Variants in HS6ST3 observed in about 807,000 individuals in gnomAD.
The protein encoded by HS6ST3 is heparan sulfate 6-O-sulfotransferase 3.
Under a neutral mutation model 36.7 loss-of-function variants are expected in HS6ST3, and 12 were observed. The observed-to-expected ratio is 0.33, with a 90% CI of 0.21 to 0.53. The LOEUF (loss-of-function observed/expected upper bound fraction) is 0.53. Among genes scored for constraint, HS6ST3 ranks in the 20% least tolerant of loss-of-function variants. The probability of loss-of-function intolerance (pLI) is 0.95; values close to 1 mark genes in which losing one functional copy is unlikely to be tolerated. For synonymous variants in HS6ST3, 240 were observed against 257.5 expected (o/e 0.93, Z 0.65); for missense variants, 584 against 640.9 (o/e 0.91, Z 0.96).
chr13:96,214,429 G>A (rs2054414164), intron 1 of HS6ST3, among the ~76,000 whole-genome samples: 1 of 152,036 alleles, frequency 6.6e-6, no homozygotes, highest in Admixed American at 6.6e-5. Flanking sequence ...CCAGACTCCT[G>A]GAGTTCTAGT....
intron 1 of HS6ST3, among the ~76,000 whole-genome samples, chr13:96,102,035 TC>T (rs1180418167): frequency 6.6e-6 from 1 of 152,182 alleles, no homozygotes; most frequent in Non-Finnish European, 1.5e-5. Context: ...ACTTTGTTGG[TC>T]CGAATTTAAG....
At chr13:96,727,153 G>C (rs111235866) in intron 1 of HS6ST3, among the ~76,000 whole-genome samples, 2 of 152,136 alleles carry the variant, frequency 1.3e-5, no homozygotes, top group African/African-American at 4.8e-5. Context: ...GAAAAAGTAT[G>C]TGAACTTAAT....
chr13:96,616,884 A>T (rs1239705016), intron 1 of HS6ST3, among the ~76,000 whole-genome samples: 1 of 151,680 alleles, frequency 6.6e-6, no homozygotes, highest in Non-Finnish European at 1.5e-5. Flanking sequence ...AGGGCCTCAT[A>T]GGCTTCCAAC....
At chr13:96,828,690 CTTAG>C (rs199725260) in intron 1 of HS6ST3, among the ~76,000 whole-genome samples, 1,970 of 140,368 alleles carry the variant, frequency 0.014, 46 homozygotes, top group African/African-American at 0.06. Context: ...TAGACTCTTA[CTTAG>C]TGCCATGCCT....
intron 1 of HS6ST3, among the ~76,000 whole-genome samples, chr13:96,729,893 A>G (rs906509703): frequency 1.3e-5 from 2 of 152,040 alleles, no homozygotes; most frequent in African/African-American, 2.4e-5. Flanking sequence ...TTACCTCTTC[A>G]TTTTCTATGT....
At chr13:96,659,857 A>G (rs1390327936) in intron 1 of HS6ST3, among the ~76,000 whole-genome samples, 2 of 152,108 alleles carry the variant, frequency 1.3e-5, no homozygotes, top group Non-Finnish European at 2.9e-5. Context: ...CATAAACAGA[A>G]AAGTTTATAT....
intron 1 of HS6ST3, among the ~76,000 whole-genome samples, chr13:96,191,763 G>A (rs1330855487): frequency 6.6e-6 from 1 of 152,146 alleles, no homozygotes; most frequent in African/African-American, 2.4e-5. Flanking sequence ...ATATATACAT[G>A]TAATTCAAAT....
intron 1 of HS6ST3, among the ~76,000 whole-genome samples, chr13:96,825,607 T>C (rs1400754908): frequency 6.6e-6 from 1 of 152,182 alleles, no homozygotes; most frequent in Non-Finnish European, 1.5e-5. Flanking sequence ...TAGGTAGAGA[T>C]CTTTAATACT....
intron 1 of HS6ST3, among the ~76,000 whole-genome samples, chr13:96,334,650 C>T (rs1415723471): frequency 6.6e-6 from 1 of 151,944 alleles, no homozygotes. Flanking sequence ...AGTATGAGAG[C>T]CAAGAAGGAG....
chr13:96,744,718 G>A (rs890094243), intron 1 of HS6ST3, among the ~76,000 whole-genome samples: 1 of 152,046 alleles, frequency 6.6e-6, no homozygotes, highest in Non-Finnish European at 1.5e-5. Flanking sequence ...CAGTCATGAG[G>A]GCAGAGCTTT....
At chr13:96,201,408 A>G (rs1241535223) in intron 1 of HS6ST3, among the ~76,000 whole-genome samples, 2 of 152,148 alleles carry the variant, frequency 1.3e-5, no homozygotes, top group African/African-American at 2.4e-5. Context: ...TGGTCTTTAC[A>G]CAAAAAATTT....
chr13:96,649,722 C>A (rs1049243442), intron 1 of HS6ST3, among the ~76,000 whole-genome samples: 1 of 151,956 alleles, frequency 6.6e-6, no homozygotes, highest in Admixed American at 6.6e-5. Context: ...GTTTTTTATC[C>A]TTGCCCCTTT....
At chr13:96,759,573 C>A (rs1307517378) in intron 1 of HS6ST3, among the ~76,000 whole-genome samples, 1 of 151,668 alleles carries the variant, frequency 6.6e-6, no homozygotes, top group East Asian at 1.9e-4. Context: ...AATTCATACC[C>A]CTATTCTTTG....
chr13:96,751,505 T>TC (rs757267926), intron 1 of HS6ST3, among the ~76,000 whole-genome samples: 13 of 152,204 alleles, frequency 8.5e-5, no homozygotes, highest in Non-Finnish European at 1.6e-4. Flanking sequence ...CTTCTGGCCT[T>TC]CAGAACTGGG....
At chr13:96,178,604 A>G (rs1367906749) in intron 1 of HS6ST3, among the ~76,000 whole-genome samples, 2 of 152,016 alleles carry the variant, frequency 1.3e-5, no homozygotes, top group East Asian at 3.9e-4. Context: ...GCCTTTCTGT[A>G]AGTTAGCCTG....
intron 1 of HS6ST3, among the ~76,000 whole-genome samples, chr13:96,545,099 G>A (rs2056192840): frequency 1.3e-5 from 2 of 152,114 alleles, no homozygotes; most frequent in Non-Finnish European, 2.9e-5. Flanking sequence ...TGCTATCTAA[G>A]TCTTGCTGGC....
At chr13:96,327,120 T>G (rs2055036654) in intron 1 of HS6ST3, among the ~76,000 whole-genome samples, 1 of 148,210 alleles carries the variant, frequency 6.7e-6, no homozygotes, top group Non-Finnish European at 1.5e-5. Context: ...TTTCTCCCAT[T>G]TTGTAGGTTG....
At chr13:96,703,677 A>G (rs532737436) in intron 1 of HS6ST3, among the ~76,000 whole-genome samples, 34 of 152,182 alleles carry the variant, frequency 2.2e-4, no homozygotes, top group Admixed American at 1.0e-3. Context: ...GATTCTAGAT[A>G]TTTTCTGTTT....
chr13:96,582,755 C>A (rs773888927), intron 1 of HS6ST3, among the ~76,000 whole-genome samples: 9 of 152,072 alleles, frequency 5.9e-5, no homozygotes, highest in African/African-American at 2.2e-4. Context: ...TGTAGCAGAT[C>A]GGCTCATTTT....
Sources: allele counts gnomAD v4.1 joint callset (sites outside exome capture counted in the v4.1 genomes callset), GRCh38; gene constraint gnomAD v4.1.1; transcripts MANE v1.5; gene names NCBI Gene and HGNC (gene_info 2026-07-23, HGNC 2026-07-21).